The following GARNL3 variants were observed in gnomAD, a reference collection of about 807,000 sequenced individuals.
GARNL3 encodes the protein GTPase-activating Rap/Ran-GAP domain-like protein 3.
In GARNL3, 63 loss-of-function variants were observed where a neutral mutation model predicts 125.0. The ratio of observed to expected loss-of-function variants is 0.50; its 90% CI spans 0.41 to 0.62. GARNL3 has a LOEUF of 0.62. Ranked by LOEUF, GARNL3 falls within the 20% of genes least tolerant of loss-of-function variation. GARNL3 has a pLI of 0.00. For synonymous variants in GARNL3, 439 were observed against 457.5 expected (o/e 0.96, Z 0.52); for missense variants, 994 against 1,244.0 (o/e 0.80, Z 3.02).
intron 2 of GARNL3, among the ~76,000 whole-genome samples, chr9:127,257,041 A>G (rs1398831160): frequency 2.0e-5 from 3 of 152,206 alleles, no homozygotes; most frequent in Non-Finnish European, 4.4e-5. Flanking sequence ...ACCTTTTGGG[A>G]TGGACATTTT....
chr9:127,294,788 C>G (rs1213153806), intron 2 of GARNL3, among the ~76,000 whole-genome samples: 1 of 152,180 alleles, frequency 6.6e-6, no homozygotes, highest in Non-Finnish European at 1.5e-5. Context: ...TAGTGCCAGA[C>G]AGGCTGAGCC....
At chr9:127,265,785 G>T (rs2063691693) in intron 1 of GARNL3, among the ~76,000 whole-genome samples, 1 of 152,044 alleles carries the variant, frequency 6.6e-6, no homozygotes, top group African/African-American at 2.4e-5. Flanking sequence ...AAAATGAGTT[G>T]CTTGTATCTA....
chr9:127,360,138 A>G (rs557598352), intron 21 of GARNL3, among the ~76,000 whole-genome samples: 2 of 152,220 alleles, frequency 1.3e-5, no homozygotes, highest in Non-Finnish European at 2.9e-5. Flanking sequence ...CTCCTGCCTC[A>G]GCCTCCTGAC....
intron 2 of GARNL3, among the ~76,000 whole-genome samples, chr9:127,257,346 A>G (rs1337000172): frequency 1.3e-5 from 2 of 152,334 alleles, no homozygotes; most frequent in Non-Finnish European, 2.9e-5. Flanking sequence ...GAAACTGCCA[A>G]ACTGTTTTCT....
rs144234528 is a variant in GARNL3 at position 127,332,338 on chromosome 9, T to C, written c.659T>C (p.Met220Thr). Reference sequence around the variant, plus strand: ...GATGGGCAGCTCACTGATGATGAGATGTTCAGCAATGGTGAGTGATCTCCT... The same window carrying C: ...GATGGGCAGCTCACTGATGATGAGACGTTCAGCAATGGTGAGTGATCTCCT... ...AKDGQLTDDE[M>T]FSNEIGSEPF... Residue 220 changes from methionine (M) to threonine (T), a missense_variant, in exon 8 of 28, where the codon ATG (methionine) becomes ACG (threonine). This residue lies in a region of GARNL3 where 139 missense variants were observed against 231.6 expected (regional missense o/e 0.60). Transcript: ENST00000373387. 6.2e-7 allele frequency: 1 copy of C among 1,613,690 alleles called. No homozygotes were observed. Among genetic ancestry groups the C allele is most frequent in the Non-Finnish European group, 8.5e-7 (1 of 1,179,590 alleles).
At chr9:127,296,187 A>G (rs1328973898) in intron 2 of GARNL3, among the ~76,000 whole-genome samples, 1 of 152,114 alleles carries the variant, frequency 6.6e-6, no homozygotes, top group Non-Finnish European at 1.5e-5. Flanking sequence ...AATATAGATG[A>G]AGCTTTGCTC....
intron 1 of GARNL3, among the ~76,000 whole-genome samples, chr9:127,286,624 T>C (rs2064257092): frequency 6.6e-6 from 1 of 152,230 alleles, no homozygotes; most frequent in African/African-American, 2.4e-5. Context: ...TGAAATTCAG[T>C]AATTACACTT....
At chr9:127,340,409 T>C (rs1829800801) in intron 13 of GARNL3, among the ~76,000 whole-genome samples, 1 of 152,086 alleles carries the variant, frequency 6.6e-6, no homozygotes, top group African/African-American at 2.4e-5. Context: ...GACTGTGTCA[T>C]TGATCAGAAA....
At chr9:127,339,624 T>A (rs1472004770) in intron 12 of GARNL3, 21 bp from the exon 13 acceptor site, 5 of 1,532,268 alleles carry the variant, frequency 3.3e-6, no homozygotes, top group East Asian at 2.2e-5. Flanking sequence ...TAATATTAAT[T>A]CTGCAATATT....
chr9:127,328,156 T>G lies in GARNL3; in HGVS notation c.594+3061T>G, dbSNP rs1311193757. ...GTTCATTGCATCCTCCTCTGCTTTT[T>G]TTGAAACTCCCAAGTTGTGAAAAAT... On this transcript the variant is annotated intron_variant, in intron 7 of 27. Transcript: ENST00000373387. Among the ~76,000 whole-genome samples, 4 of 152,216 alleles carry G rather than the reference T, an allele frequency of 2.6e-5. 1 individual carries two copies. The East Asian group carries it at 7.7e-4, about 29-fold the overall frequency.
intron 14 of GARNL3, among the ~76,000 whole-genome samples, chr9:127,342,892 C>CTTTT (rs59554997): frequency 1.5e-4 from 12 of 81,562 alleles, no homozygotes; most frequent in Non-Finnish European, 2.3e-4. Context: ...GTGCTCTTTT[C>CTTTT]TTTTTTTTTT....
At chr9:127,225,638 C>T (rs1161842505) in intron 1 of GARNL3, among the ~76,000 whole-genome samples, 2 of 151,682 alleles carry the variant, frequency 1.3e-5, no homozygotes, top group Non-Finnish European at 2.9e-5. Context: ...AGTGGCAGGC[C>T]CCGCACGCCC....
chr9:127,268,093 A>G (rs889645021), intron 1 of GARNL3, among the ~76,000 whole-genome samples: 7 of 152,216 alleles, frequency 4.6e-5, no homozygotes, highest in African/African-American at 1.7e-4. Context: ...ATTGAGGGTC[A>G]TCCATGTGTC....
rs565756530 is a variant in GARNL3 at position 127,392,474 on chromosome 9, A to G, written c.2871-609A>G. On this transcript the variant is annotated intron_variant, in intron 27 of 27. Coordinates refer to ENST00000373387, the MANE Select transcript of GARNL3 (RefSeq NM_032293.5). This position sits in a 1 kb window ranked among gnomAD's most constrained non-coding sequence, Gnocchi z 5.2. The stretch of plus-strand genomic sequence containing the variant: ...AGGGCAAGGGCCCCGAAGCAGGCCT[A>G]GCATGGCCAGTTAAAAGGCAGGAGG... Among the ~76,000 whole-genome samples, 43 of 152,392 alleles carry G rather than the reference A, an allele frequency of 2.8e-4. No homozygotes were observed. Among genetic ancestry groups the G allele is most frequent in the African/African-American group, 1.0e-3 (42 of 41,592 alleles).
In GARNL3 at chr9:127,253,525, G is replaced by A. The variant is rs142070124; in HGVS notation, c.143+10276G>A. Among the ~76,000 whole-genome samples, 306 of 152,234 alleles carry A rather than the reference G, an allele frequency of 2.0e-3. 3 individuals carry two copies. The highest frequency in any genetic ancestry group is 0.017 in the East Asian group (89 of 5,180). ...AAGCTTAAATTGTAGGTGGGGAGGC[G>A]GTTGTTAATCAGATTCCCTCTTTGT... On this transcript the variant is annotated intron_variant, in intron 2 of 10. Coordinates refer to the GARNL3 transcript ENST00000439286.
rs377008176 is a variant in GARNL3, at chr9:127,379,034, TC to T, written c.2162-4401del. ...CTCAAGTGATCTGCCCGCCTTGGCCTCCCAAAGTGCTGAGATTACAGGTGTG... is the reference window on the plus strand; with the variant it reads ...CTCAAGTGATCTGCCCGCCTTGGCCTCCAAAGTGCTGAGATTACAGGTGTG... On this transcript the variant is annotated intron_variant, in intron 22 of 27. Transcript: ENST00000373387. 2.0e-4 allele frequency among the ~76,000 whole-genome samples: 31 copies of T among 152,322 alleles called. No homozygotes were observed. In the South Asian group the frequency reaches 2.3e-3, roughly 11 times the overall value.
intron 17 of GARNL3, among the ~76,000 whole-genome samples, chr9:127,352,584 A>G (rs538088019): frequency 6.6e-6 from 1 of 152,342 alleles, no homozygotes; most frequent in East Asian, 1.9e-4. Context: ...TTGATGAGCT[A>G]TCATAAAATT....
intron 4 of GARNL3, among the ~76,000 whole-genome samples, chr9:127,316,938 A>G (rs1421667725): frequency 4.6e-5 from 7 of 152,158 alleles, no homozygotes; most frequent in Non-Finnish European, 8.8e-5. Context: ...CATTCCCTAA[A>G]AGAAATGTTC....
chr9:127,258,293 T>C (rs996918426), intron 2 of GARNL3, among the ~76,000 whole-genome samples: 2 of 152,158 alleles, frequency 1.3e-5, no homozygotes, highest in African/African-American at 4.8e-5. Flanking sequence ...TATTTCCTAC[T>C]TCGTATGTCT....
Sources: gnomAD v4.1 joint callset for allele counts (sites outside exome capture counted in the v4.1 genomes callset) on GRCh38, gnomAD v4.1.1 for gene constraint, gnomAD v4.1.1 regional missense constraint, Gnocchi (gnomAD v3.1) non-coding constraint, MANE v1.5 for transcripts, NCBI Gene and HGNC (gene_info 2026-07-23, HGNC 2026-07-21) for gene names.